SMAD1: variants seen among roughly 807,000 people sequenced by gnomAD.
SMAD1 encodes the protein MAD, mothers against decapentaplegic homolog 1.
SMAD1 carries 6 observed loss-of-function variants against 41.6 expected under a neutral mutation model. That is an observed-to-expected ratio of 0.14 (90% confidence interval 0.08 to 0.28). SMAD1 has a LOEUF of 0.28. Ranked by LOEUF, SMAD1 falls within the 10% of genes least tolerant of loss-of-function variation. The pLI is 1.00. For synonymous variants in SMAD1, 206 were observed against 203.2 expected (o/e 1.01, Z -0.12); for missense variants, 379 against 582.6 (o/e 0.65, Z 3.60).
intron 1 of SMAD1, among the ~76,000 whole-genome samples, chr4:145,509,534 T>G (rs1028775106): frequency 6.6e-6 from 1 of 152,208 alleles, no homozygotes; most frequent in African/African-American, 2.4e-5. Context: ...GTTATTTTGA[T>G]GCAAACTTAG....
rs1005767512 is a variant in SMAD1, at chr4:145,550,450, T to C, written c.998-3334T>C. On this transcript the variant is annotated intron_variant, in intron 5 of 6. Coordinates refer to ENST00000302085, the MANE Select transcript of SMAD1 (RefSeq NM_005900.3). ...ATCACTTGAATTTGAGAGGCGGAGG[T>C]TGCAATGAGCTGAGATCAAGCCACT... Among the ~76,000 whole-genome samples, 6 of 152,054 alleles carry C rather than the reference T, an allele frequency of 3.9e-5. No individual in the cohort carries two copies. The South Asian group carries it at 1.2e-3, about 32-fold the overall frequency.
chr4:145,486,230 T>G (rs1171805927), intron 1 of SMAD1, among the ~76,000 whole-genome samples: 1 of 152,242 alleles, frequency 6.6e-6, no homozygotes, highest in Non-Finnish European at 1.5e-5. Context: ...AGCACATAAT[T>G]TGAAGAATAA....
chr4:145,529,905 G>C (rs1000680608), intron 2 of SMAD1, among the ~76,000 whole-genome samples: 3 of 152,128 alleles, frequency 2.0e-5, no homozygotes, highest in Admixed American at 6.5e-5. Context: ...TCTGGGATGA[G>C]GTATAAGAAT....
intron 1 of SMAD1, among the ~76,000 whole-genome samples, chr4:145,483,468 A>G (rs1728308080): frequency 6.6e-6 from 1 of 152,156 alleles, no homozygotes; most frequent in Admixed American, 6.5e-5. Flanking sequence ...AATTGTATTG[A>G]AGGTAGGTGG....
chr4:145,539,835 C>T lies in SMAD1; in HGVS notation c.432C>T (p.Ser144=), dbSNP rs766290015. 3.0e-5 allele frequency: 49 copies of T among 1,613,882 alleles called. No homozygotes were observed. The highest frequency in any genetic ancestry group is 1.1e-4 in the East Asian group (5 of 44,892). ...CTCCTGTGCTGGTTCCAAGACACAG[C>T]GAATATAATCCTCAGCACAGCCTCT... The part of the protein sequence containing the change: ...VLPPVLVPRH[S]EYNPQHSLLA... The change falls in exon 3 of 7, where the codon AGC becomes AGT. Residue 144 remains serine, a synonymous_variant. Coordinates refer to ENST00000302085, the MANE Select transcript of SMAD1 (RefSeq NM_005900.3).
In SMAD1 at chr4:145,482,880, T is replaced by C. The variant is rs1225935541; in HGVS notation, c.-177+842T>C. The C allele has an allele frequency of 6.6e-6, 1 of 152,346 alleles. No homozygotes were observed. Among genetic ancestry groups the C allele is most frequent in the Admixed American group, 6.5e-5 (1 of 15,286 alleles). 9.4% of individuals were successfully genotyped at this position (152,346 alleles called of 1,614,324 possible). ...TGCTCCCTGTCTTTGTTAGTGTTTC[T>C]CGGGGTTGTTTCTGTAGGAAGGTGG... is the stretch of plus-strand genomic sequence containing the variant. On this transcript the variant is annotated intron_variant, in intron 1 of 6. Coordinates refer to ENST00000302085, the MANE Select transcript of SMAD1 (RefSeq NM_005900.3). This position sits in a 1 kb window ranked among gnomAD's most constrained non-coding sequence, Gnocchi z 4.2.
chr4:145,498,519 G>T (rs1729226840), intron 1 of SMAD1, among the ~76,000 whole-genome samples: 1 of 152,104 alleles, frequency 6.6e-6, no homozygotes, highest in South Asian at 2.1e-4. Context: ...TGTTATTGTG[G>T]TTTTAAATTT....
intron 5 of SMAD1, among the ~76,000 whole-genome samples, chr4:145,549,531 A>G (rs1336928013): frequency 6.6e-6 from 1 of 152,188 alleles, no homozygotes; most frequent in African/African-American, 2.4e-5. Flanking sequence ...AATGGAGTAA[A>G]TTGTCACAAT....
intron 2 of SMAD1, among the ~76,000 whole-genome samples, chr4:145,517,584 T>A (rs1460780495): frequency 6.6e-6 from 1 of 152,184 alleles, no homozygotes; most frequent in Non-Finnish European, 1.5e-5. Context: ...TCTCTATTTT[T>A]AGCAACAAGC....
intron 2 of SMAD1, among the ~76,000 whole-genome samples, chr4:145,531,184 C>A (rs1485638587): frequency 6.6e-6 from 1 of 152,348 alleles, no homozygotes; most frequent in Non-Finnish European, 1.5e-5. Context: ...TTCCAAGAAT[C>A]ATTTCTTCAG....
chr4:145,540,920 A>G (rs930502046), intron 3 of SMAD1, among the ~76,000 whole-genome samples: 3 of 152,222 alleles, frequency 2.0e-5, no homozygotes, highest in Non-Finnish European at 2.9e-5. Flanking sequence ...TAGGCCTTCA[A>G]AAATTGAAAA....
At chr4:145,530,326 T>G (rs1731255572) in intron 2 of SMAD1, among the ~76,000 whole-genome samples, 1 of 152,078 alleles carries the variant, frequency 6.6e-6, no homozygotes, top group Non-Finnish European at 1.5e-5. Flanking sequence ...TGAGCAAAGG[T>G]GCAGAAGTAT....
chr4:145,513,654 A>C (rs1730215402), intron 1 of SMAD1, among the ~76,000 whole-genome samples: 1 of 152,228 alleles, frequency 6.6e-6, no homozygotes, highest in South Asian at 2.1e-4. Context: ...CTTTTAGCCT[A>C]AGAAATATTT....
chr4:145,507,232 A>C (rs2118438), intron 1 of SMAD1, among the ~76,000 whole-genome samples: 1 of 151,158 alleles, frequency 6.6e-6, no homozygotes, highest in Non-Finnish European at 1.5e-5. Flanking sequence ...ATAAAAAATC[A>C]GAAGTTACAT....
chr4:145,557,950 T>C lies in SMAD1; in HGVS notation c.*16T>C. ...TGTATCTTAAATGGCCCCAGGCATC[T>C]GCCTCTGGAAAACTATTGAGCCTTG... On this transcript the variant is annotated 3_prime_UTR_variant, in exon 7 of 7. Coordinates refer to ENST00000302085, the MANE Select transcript of SMAD1 (RefSeq NM_005900.3). 6.3e-7 allele frequency: 1 copy of C among 1,587,422 alleles called. No homozygotes were observed. The highest frequency in any genetic ancestry group is 8.6e-7 in the Non-Finnish European group (1 of 1,164,154).
At chr4:145,534,713 G>C (rs1185042006) in intron 2 of SMAD1, among the ~76,000 whole-genome samples, 2 of 152,128 alleles carry the variant, frequency 1.3e-5, no homozygotes, top group Non-Finnish European at 2.9e-5. Flanking sequence ...ACCATTTAGA[G>C]AAAGATAAAA....
intron 1 of SMAD1, among the ~76,000 whole-genome samples, chr4:145,493,128 T>G (rs972559888): frequency 6.6e-6 from 1 of 152,166 alleles, no homozygotes; most frequent in Non-Finnish European, 1.5e-5. Context: ...CATCCTTAAG[T>G]CCTTTCTGAG....
At chr4:145,529,668 G>C (rs1370233204) in intron 2 of SMAD1, among the ~76,000 whole-genome samples, 1 of 152,164 alleles carries the variant, frequency 6.6e-6, no homozygotes, top group African/African-American at 2.4e-5. Context: ...TCTGTATACT[G>C]TCAAAGAATC....
chr4:145,489,825 T>C (rs931274145), intron 1 of SMAD1, among the ~76,000 whole-genome samples: 2 of 152,194 alleles, frequency 1.3e-5, no homozygotes, highest in African/African-American at 2.4e-5. Context: ...AACTGGTGGA[T>C]TGAATCTTCC....
Sources: allele counts gnomAD v4.1 joint callset (sites outside exome capture counted in the v4.1 genomes callset), GRCh38; gene constraint gnomAD v4.1.1; non-coding constraint Gnocchi (gnomAD v3.1); transcripts MANE v1.5; gene names NCBI Gene and HGNC (gene_info 2026-07-23, HGNC 2026-07-21).